The following LMBR1 variants were observed in gnomAD, a reference collection of about 807,000 sequenced individuals.
LMBR1 encodes limb region 1 protein homolog.
LMBR1 carries 52 observed loss-of-function variants against 73.9 expected under a neutral mutation model. The ratio of observed to expected loss-of-function variants is 0.70; its 90% CI spans 0.56 to 0.89. The LOEUF (loss-of-function observed/expected upper bound fraction) is 0.89, where lower values mean the gene tolerates loss of function less well. LMBR1 is among the 40% of genes least tolerant of loss of function. The pLI is 0.00. For synonymous variants in LMBR1, 215 were observed against 209.4 expected (o/e 1.03, Z -0.23); for missense variants, 539 against 579.8 (o/e 0.93, Z 0.72).
chr7:156,745,988 A>G (rs912346870), intron 9 of LMBR1, among the ~76,000 whole-genome samples: 5 of 152,214 alleles, frequency 3.3e-5, no homozygotes, highest in Non-Finnish European at 1.5e-5. Flanking sequence ...CTTTGATTAC[A>G]AAGTTAGTTT....
intron 4 of LMBR1, 50 bp from the exon 5 acceptor site, chr7:156,796,542 T>C: frequency 2.5e-6 from 3 of 1,209,656 alleles, no homozygotes; most frequent in Non-Finnish European, 3.5e-6. Flanking sequence ...GATATTGAAA[T>C]TGTGGTATTA....
intron 5 of LMBR1, among the ~76,000 whole-genome samples, chr7:156,786,737 GT>G (rs1385959012): frequency 2.0e-5 from 3 of 152,128 alleles, no homozygotes; most frequent in African/African-American, 7.2e-5. Context: ...CAAGTCCTGA[GT>G]TTTCTCACAC....
At chr7:156,761,526 T>C (rs1338442483) in intron 8 of LMBR1, among the ~76,000 whole-genome samples, 2 of 152,212 alleles carry the variant, frequency 1.3e-5, no homozygotes, top group African/African-American at 4.8e-5. Context: ...TTTTTGATAT[T>C]AGGCAATGGA....
chr7:156,835,468 G>A (rs1180230646), intron 2 of LMBR1, among the ~76,000 whole-genome samples: 1 of 152,184 alleles, frequency 6.6e-6, no homozygotes, highest in African/African-American at 2.4e-5. Context: ...GTCAAGGCAG[G>A]CAGATTATCT....
At chr7:156,725,635 T>C in intron 13 of LMBR1, 110 bp from the exon 14 acceptor site, 1 of 1,211,394 alleles carries the variant, frequency 8.3e-7, no homozygotes, top group Non-Finnish European at 1.2e-6. Flanking sequence ...AAAAGCCGCT[T>C]TAAGTGCTTG....
chr7:156,840,446 G>T (rs1838460918), intron 1 of LMBR1, among the ~76,000 whole-genome samples: 1 of 151,856 alleles, frequency 6.6e-6, no homozygotes, highest in Non-Finnish European at 1.5e-5. Flanking sequence ...AGTGCCAAGG[G>T]TCGGAGGCAA....
At chr7:156,778,215 AC>A (rs1826498705) in intron 5 of LMBR1, among the ~76,000 whole-genome samples, 1 of 152,252 alleles carries the variant, frequency 6.6e-6, no homozygotes, top group Non-Finnish European at 1.5e-5. Context: ...TAAATAACTC[AC>A]AAAAAGAAAT....
chr7:156,777,817 C>T (rs998307295), intron 5 of LMBR1, among the ~76,000 whole-genome samples: 2 of 152,162 alleles, frequency 1.3e-5, no homozygotes, highest in Non-Finnish European at 1.5e-5. Flanking sequence ...ATATCACATA[C>T]CTGAAAACAT....
rs1815044749 is a variant in LMBR1, at chr7:156,723,461, G to A, written c.1225+651C>T. On this transcript the variant is annotated intron_variant, in intron 15 of 16. Transcript: ENST00000353442. The stretch of plus-strand genomic sequence containing the variant: ...TTTGTCTGAAATAATATTTAGTGAA[G>A]AACTCAGAATATGGTCTACAATAGC... Among the ~76,000 whole-genome samples the A allele has an allele frequency of 3.3e-5, 5 of 152,076 alleles. No homozygotes were observed. In the South Asian group the frequency reaches 1.0e-3, roughly 31 times the overall value.
chr7:156,834,719 A>G (rs1359090810), intron 2 of LMBR1: 1 of 157,094 alleles, frequency 6.4e-6, no homozygotes, highest in African/African-American at 2.4e-5. Context: ...TATATTATAT[A>G]TAAAGTTTGT....
intron 15 of LMBR1, among the ~76,000 whole-genome samples, chr7:156,712,436 T>C (rs1812272333): frequency 6.6e-6 from 1 of 152,210 alleles, no homozygotes; most frequent in Non-Finnish European, 1.5e-5. Flanking sequence ...TTACAACCTC[T>C]ATGGAAAAAC....
intron 9 of LMBR1, chr7:156,736,455 A>G: frequency 4.4e-6 from 2 of 450,984 alleles, no homozygotes; most frequent in South Asian, 3.1e-5. Context: ...CTTTATCAAG[A>G]TGAAGCATGC....
At chr7:156,851,505 A>G (rs1306418155) in intron 1 of LMBR1, among the ~76,000 whole-genome samples, 2 of 152,206 alleles carry the variant, frequency 1.3e-5, no homozygotes, top group Non-Finnish European at 2.9e-5. Flanking sequence ...ATGCTGTGAA[A>G]TATTTTAGGC....
intron 4 of LMBR1, among the ~76,000 whole-genome samples, chr7:156,799,432 T>C (rs1830571793): frequency 6.6e-6 from 1 of 152,218 alleles, no homozygotes; most frequent in Non-Finnish European, 1.5e-5. Flanking sequence ...TTATGATCTA[T>C]GACCAGTGAT....
intron 5 of LMBR1, among the ~76,000 whole-genome samples, chr7:156,778,204 G>A (rs1473762254): frequency 2.0e-5 from 3 of 152,158 alleles, no homozygotes; most frequent in Non-Finnish European, 4.4e-5. Flanking sequence ...TTGAAAGTCA[G>A]TAAATAACTC....
chr7:156,854,296 T>TG (rs1390936634), intron 1 of LMBR1, among the ~76,000 whole-genome samples: 1 of 152,238 alleles, frequency 6.6e-6, no homozygotes, highest in African/African-American at 2.4e-5. Flanking sequence ...ATTGATGAAT[T>TG]ACTAGAGGAT....
At chr7:156,879,671 A>G (rs1023326062) in intron 1 of LMBR1, among the ~76,000 whole-genome samples, 8 of 151,692 alleles carry the variant, frequency 5.3e-5, no homozygotes, top group African/African-American at 1.4e-4. Context: ...CTCAAAAAAA[A>G]AAAAAAAAAA....
At position 156,685,423 on chromosome 7, in the gene LMBR1, T is replaced by C. The variant is rs918848571; in HGVS notation, c.1388-1260A>G. ...CGATTCTGTCGCTGTGATGCCATCA[T>C]AGAGTGTATCTATACACCCAGAGGG... On this transcript the variant is annotated intron_variant, in intron 16 of 16. Transcript: ENST00000353442. The surrounding 1 kb of genome is among the most constrained non-coding windows in gnomAD (Gnocchi z 4.1). Among the ~76,000 whole-genome samples, 36 of 152,242 alleles carry C rather than the reference T, an allele frequency of 2.4e-4. No homozygotes were observed. The highest frequency in any genetic ancestry group is 1.2e-3 in the East Asian group (6 of 5,198).
chr7:156,806,527 C>T (rs566283862), intron 4 of LMBR1, among the ~76,000 whole-genome samples: 34 of 149,692 alleles, frequency 2.3e-4, no homozygotes, highest in African/African-American at 8.4e-4. Context: ...TGCCTTGTTC[C>T]TGATCTCAGG....
Sources: gnomAD v4.1 joint callset for allele counts (sites outside exome capture counted in the v4.1 genomes callset) on GRCh38, gnomAD v4.1.1 for gene constraint, Gnocchi (gnomAD v3.1) non-coding constraint, MANE v1.5 for transcripts, NCBI Gene and HGNC (gene_info 2026-07-23, HGNC 2026-07-21) for gene names.